Variants in SCRG1 observed in about 807,000 individuals in gnomAD.
SCRG1 encodes the protein scrapie-responsive protein 1.
Under a neutral mutation model 7.7 loss-of-function variants are expected in SCRG1, and 3 were observed. The observed-to-expected ratio is 0.39, with a 90% CI of 0.18 to 1.01. The LOEUF is 1.01. Among genes scored for constraint, SCRG1 ranks in the 50% least tolerant of loss-of-function variants. The pLI is 0.36. For synonymous variants in SCRG1, 46 were observed against 41.2 expected (o/e 1.12, Z -0.44); for missense variants, 110 against 117.2 (o/e 0.94, Z 0.28).
chr4:173,437,159 A>C, the SCRG1 span, among the ~76,000 whole-genome samples: 3 of 152,168 alleles, frequency 2.0e-5, no homozygotes, highest in Non-Finnish European at 2.9e-5. Flanking sequence ...AACTTTAGAG[A>C]AGAAGCAAAT....
At chr4:173,483,453 G>T in the SCRG1 span, among the ~76,000 whole-genome samples, 1 of 25,446 alleles carries the variant, frequency 3.9e-5, no homozygotes. Flanking sequence ...ATTATATCAT[G>T]ATATATATTA....
chr4:173,401,763 C>A (rs1449351662), upstream of SCRG1, among the ~76,000 whole-genome samples: 3 of 152,130 alleles, frequency 2.0e-5, no homozygotes, highest in Non-Finnish European at 4.4e-5. Flanking sequence ...ACATTTGGAC[C>A]CTGGCCTCCA....
the SCRG1 span, among the ~76,000 whole-genome samples, chr4:173,435,132 G>A: frequency 0.014 from 415 of 30,202 alleles, 1 homozygote; most frequent in African/African-American, 0.025. Context: ...GTGTGTGTGT[G>A]TGTGTGTGTG....
At chr4:173,444,709 T>C in the SCRG1 span, among the ~76,000 whole-genome samples, 1 of 152,118 alleles carries the variant, frequency 6.6e-6, no homozygotes. Context: ...CTAGGAAAGG[T>C]TTCCTTAATT....
At chr4:173,448,388 T>G in the SCRG1 span, among the ~76,000 whole-genome samples, 1 of 152,174 alleles carries the variant, frequency 6.6e-6, no homozygotes, top group Non-Finnish European at 1.5e-5. Context: ...TGGCTATCAT[T>G]GCCCCACGAA....
At chr4:173,473,623 T>C in the SCRG1 span, among the ~76,000 whole-genome samples, 4 of 152,046 alleles carry the variant, frequency 2.6e-5, no homozygotes, top group Non-Finnish European at 5.9e-5. Context: ...GGGAACTCTG[T>C]GCATAAGGAA....
the SCRG1 span, among the ~76,000 whole-genome samples, chr4:173,416,344 G>A: frequency 6.6e-6 from 1 of 151,652 alleles, no homozygotes; most frequent in Non-Finnish European, 1.5e-5. Context: ...CCTCCCAAAC[G>A]ATGCTCCCCG....
At chr4:173,445,534 A>G in the SCRG1 span, among the ~76,000 whole-genome samples, 1 of 148,380 alleles carries the variant, frequency 6.7e-6, no homozygotes, top group Non-Finnish European at 1.5e-5. Flanking sequence ...GTGAGCCGAT[A>G]TCGTGCCACT....
At chr4:173,476,354 G>A in the SCRG1 span, among the ~76,000 whole-genome samples, 54 of 70,146 alleles carry the variant, frequency 7.7e-4, 1 homozygote, top group Admixed American at 1.5e-3. Flanking sequence ...CTCTGAGGGG[G>A]AAAAAAAAAA....
the SCRG1 span, among the ~76,000 whole-genome samples, chr4:173,493,267 T>C: frequency 6.6e-6 from 1 of 152,106 alleles, no homozygotes; most frequent in Non-Finnish European, 1.5e-5. Context: ...GAGATCTGGT[T>C]GTTTGAAGGT....
At chr4:173,392,056 C>T (rs1171490137) in intron 1 of SCRG1, among the ~76,000 whole-genome samples, 2 of 152,210 alleles carry the variant, frequency 1.3e-5, no homozygotes, top group Non-Finnish European at 2.9e-5. Flanking sequence ...TAAACTCAGG[C>T]AAATTTCTAG....
the SCRG1 span, among the ~76,000 whole-genome samples, chr4:173,463,489 G>T: frequency 3.3e-5 from 5 of 152,076 alleles, no homozygotes; most frequent in East Asian, 9.7e-4. Flanking sequence ...GGCCAGGCCG[G>T]TCTCGAACTC....
chr4:173,390,692 T>C (rs1739407737), intron 2 of SCRG1, among the ~76,000 whole-genome samples: 1 of 152,186 alleles, frequency 6.6e-6, no homozygotes, highest in Non-Finnish European at 1.5e-5. Flanking sequence ...TTTCACCATG[T>C]TGGCCAAGTT....
the SCRG1 span, among the ~76,000 whole-genome samples, chr4:173,491,452 T>C: frequency 1.3e-5 from 2 of 152,172 alleles, no homozygotes; most frequent in Admixed American, 6.5e-5. Context: ...TGTGTACTCC[T>C]CCTGCAGAGA....
intron 1 of SCRG1, 93 bp from the exon 2 acceptor site, chr4:173,391,521 T>A: frequency 7.7e-7 from 1 of 1,305,256 alleles, no homozygotes; most frequent in Non-Finnish European, 1.1e-6. Flanking sequence ...TATAAACCCT[T>A]GGATAGAAAG....
the SCRG1 span, among the ~76,000 whole-genome samples, chr4:173,485,367 A>G: frequency 6.7e-6 from 1 of 149,666 alleles, no homozygotes; most frequent in African/African-American, 2.5e-5. Context: ...GTCTTGCTGG[A>G]AACACATGGC....
chr4:173,427,383 A>C, the SCRG1 span, among the ~76,000 whole-genome samples: 1 of 152,356 alleles, frequency 6.6e-6, no homozygotes, highest in Non-Finnish European at 1.5e-5. Context: ...CTAGCAACAA[A>C]AGGTAAAGGA....
chr4:173,490,348 T>C, the SCRG1 span, among the ~76,000 whole-genome samples: 1 of 152,212 alleles, frequency 6.6e-6, no homozygotes, highest in Non-Finnish European at 1.5e-5. Flanking sequence ...TCTTTTTCAC[T>C]TTTAGGTTAA....
the SCRG1 span, among the ~76,000 whole-genome samples, chr4:173,477,176 A>G: frequency 2.0e-5 from 3 of 152,170 alleles, no homozygotes; most frequent in African/African-American, 7.2e-5. Flanking sequence ...TGAAAATTGT[A>G]GTTCAATGCC....
Sources: gnomAD v4.1 joint callset for allele counts (sites outside exome capture counted in the v4.1 genomes callset) on GRCh38, gnomAD v4.1.1 for gene constraint, MANE v1.5 for transcripts, NCBI Gene and HGNC (gene_info 2026-07-23, HGNC 2026-07-21) for gene names.